KNDC1: variants seen among roughly 807,000 people sequenced by gnomAD.
The protein encoded by KNDC1 is kinase non-catalytic C-lobe domain containing 1, also known as kinase non-catalytic C-lobe domain-containing protein 1.
A neutral mutation model predicts 172.8 loss-of-function variants in KNDC1; 106 were observed. That is an observed-to-expected ratio of 0.61 (90% CI 0.52 to 0.72). The LOEUF (loss-of-function observed/expected upper bound fraction) is 0.72. Ranked by LOEUF, KNDC1 falls within the 30% of genes least tolerant of loss-of-function variation. KNDC1 has a pLI of 0.00. For synonymous variants in KNDC1, 1,083 were observed against 1,062.2 expected (o/e 1.02, Z -0.38); for missense variants, 2,325 against 2,394.5 (o/e 0.97, Z 0.61).
chr10:133,208,526 G>C (rs1389903578), intron 20 of KNDC1, among the ~76,000 whole-genome samples: 1 of 83,064 alleles, frequency 1.2e-5, no homozygotes, highest in Non-Finnish European at 2.5e-5. Context: ...CCTCTAGAGA[G>C]GGACGTGGCC....
rs761281019 is a variant in KNDC1 at position 133,198,408 on chromosome 10, G to A, written c.1978G>A (p.Gly660Ser). ...PGPVPGQHPC[G>S]EEATQLPAAF... is the part of the protein sequence containing the mutation. ...GCCCGTGCCCGGCCAGCACCCCTGCGGTGAAGAAGCCACCCAGCTGCCTGC... is the reference window on the plus strand; with the variant it reads ...GCCCGTGCCCGGCCAGCACCCCTGCAGTGAAGAAGCCACCCAGCTGCCTGC... Residue 660 changes from glycine to serine, a missense_variant, in exon 13 of 30, where the codon GGT becomes AGT. By Grantham distance (56) the Gly-to-Ser change is moderately conservative. Transcript: ENST00000304613. 41 of 1,601,230 alleles carry A rather than the reference G, an allele frequency of 2.6e-5. No individual in the cohort carries two copies. The highest frequency in any genetic ancestry group is 5.1e-5 in the Admixed American group (3 of 58,676).
intron 3 of KNDC1, among the ~76,000 whole-genome samples, chr10:133,175,081 G>A (rs1853490149): frequency 6.6e-6 from 1 of 150,848 alleles, no homozygotes; most frequent in Admixed American, 6.6e-5. Context: ...GTGGGTGGAT[G>A]GGTGGATGGA....
At chr10:133,172,222 C>T (rs1451415725) in intron 3 of KNDC1, among the ~76,000 whole-genome samples, 1 of 152,202 alleles carries the variant, frequency 6.6e-6, no homozygotes, top group Admixed American at 6.5e-5. Context: ...TTTTCACCTT[C>T]CTCATCCAGA....
In KNDC1 at chr10:133,189,142, G is replaced by C. The variant is rs530247965; in HGVS notation, c.1442-456G>C. ...CTGCCAGACATCAGGGCAGACGGAC[G>C]GTGCATCTGAGACGTAAAAACGTCC... On this transcript the variant is annotated intron_variant, in intron 7 of 29. Transcript: ENST00000304613. Among the ~76,000 whole-genome samples, 122 of 152,264 alleles carry C rather than the reference G, an allele frequency of 8.0e-4. 1 individual carries two copies. The highest frequency in any genetic ancestry group is 3.5e-4 in the Non-Finnish European group (24 of 68,020).
intron 29 of KNDC1, among the ~76,000 whole-genome samples, chr10:133,222,446 C>CCCATCCAGGCATGCTCTTCCCGGCGT (rs1845618476): frequency 2.3e-5 from 1 of 43,188 alleles, no homozygotes; most frequent in East Asian, 8.5e-4. Flanking sequence ...CTCTTCCCGG[C>CCCATCCAGGCATGCTCTTCCCGGCGT]GTGTGTGTGT....
chr10:133,196,099 G>A (rs1854183828), intron 10 of KNDC1, among the ~76,000 whole-genome samples: 1 of 152,232 alleles, frequency 6.6e-6, no homozygotes, highest in Non-Finnish European at 1.5e-5. Context: ...GCTCTCTCCA[G>A]CTTGTCCAAG....
intron 3 of KNDC1, among the ~76,000 whole-genome samples, chr10:133,170,917 C>T (rs1021131797): frequency 2.6e-5 from 4 of 152,060 alleles, no homozygotes; most frequent in Admixed American, 6.5e-5. Flanking sequence ...AGGCAAATGC[C>T]GTCTCGGCAT....
Position 133,181,834 on chromosome 10 carries a change from C to CACACACACACACACACACACACACA in KNDC1, c.361-1510_361-1509insACACACACACACACACACACACACA, listed in dbSNP as rs1564881077. 4.3e-3 allele frequency among the ~76,000 whole-genome samples: 597 copies of CACACACACACACACACACACACACA among 138,878 alleles called. 9 individuals are homozygous for CACACACACACACACACACACACACA. Among genetic ancestry groups the CACACACACACACACACACACACACA allele is most frequent in the Non-Finnish European group, 6.6e-3 (409 of 61,748 alleles). 91.1% of individuals were successfully genotyped at this position (138,878 alleles called of 152,430 possible). ...CCAGACCAGGAAGCCCCAGGACCGTCCACACACACACACACACACACACAC... is the reference window on the plus strand; with the variant it reads ...CCAGACCAGGAAGCCCCAGGACCGTCACACACACACACACACACACACACACACACACACACACACACACACACAC... On this transcript the variant is annotated intron_variant, in intron 3 of 29. Transcript: ENST00000304613.
At chr10:133,222,506 T>A (rs1357832022) in intron 29 of KNDC1, among the ~76,000 whole-genome samples, 22 of 46,778 alleles carry the variant, frequency 4.7e-4, no homozygotes, top group African/African-American at 6.3e-4. Flanking sequence ...TGTGTGTGTG[T>A]GTGAGCCCAT....
At chr10:133,168,336 G>A (rs1409616642) in intron 3 of KNDC1, 24 bp downstream of exon 3, 2 of 1,602,134 alleles carry the variant, frequency 1.2e-6, no homozygotes, top group African/African-American at 2.7e-5. Context: ...GGGGTAATGT[G>A]CCACACCCCC....
Position 133,224,583 on chromosome 10 carries a change from G to A in KNDC1, c.5019-76G>A, listed in dbSNP as rs1376418387. 22 of 997,240 alleles carry A rather than the reference G, an allele frequency of 2.2e-5. No homozygotes were observed. Among genetic ancestry groups the A allele is most frequent in the Middle Eastern group, 2.1e-4 (1 of 4,668 alleles). The allele number at this position is 997,240 out of a possible 1,614,324, so 61.8% of individuals were successfully genotyped here. A position where few individuals can be genotyped will look rare whatever the true frequency, so the allele number is the denominator to read the frequency against. ...TTTAGTCCAAATGATTCCTAAGAACGCGGGGGGACTCCCTCCCCACGGAAG... is the reference window on the plus strand; with the variant it reads ...TTTAGTCCAAATGATTCCTAAGAACACGGGGGGACTCCCTCCCCACGGAAG... On this transcript the variant is annotated intron_variant, in intron 29 of 29. Coordinates refer to ENST00000304613, the MANE Select transcript of KNDC1 (RefSeq NM_152643.8). This position sits in a 1 kb window ranked among gnomAD's most constrained non-coding sequence, Gnocchi z 5.4.
In KNDC1 at chr10:133,209,882, G is replaced by A. The variant is rs986196305; in HGVS notation, c.3795-729G>A. Among the ~76,000 whole-genome samples the A allele has an allele frequency of 4.6e-5, 7 of 152,078 alleles. No individual in the cohort carries two copies. The highest frequency in any genetic ancestry group is 1.3e-4 in the Admixed American group (2 of 15,288). On this transcript the variant is annotated intron_variant, in intron 20 of 29. Transcript: ENST00000304613. This position sits in a 1 kb window ranked among gnomAD's most constrained non-coding sequence, Gnocchi z 4.9. ...AGGCCTCCGCTTCCTGACCGTGGCC[G>A]TCGGGCTCCCAGGACAGTCCCAGAC...
chr10:133,211,412 G>A lies in KNDC1; in HGVS notation c.3909-10G>A, dbSNP rs1345736147. 1.1e-5 allele frequency: 18 copies of A among 1,610,268 alleles called. No homozygotes were observed. Among genetic ancestry groups the A allele is most frequent in the Admixed American group, 1.7e-5 (1 of 59,694 alleles). ...ATCCTGGCAGCTCAGCAGCTCCCCTGCGTCTCCAGGGCCCACCAGGACCCC... is the reference window on the plus strand; with the variant it reads ...ATCCTGGCAGCTCAGCAGCTCCCCTACGTCTCCAGGGCCCACCAGGACCCC... On this transcript the variant is annotated splice_polypyrimidine_tract_variant and intron_variant, in intron 21 of 29. Transcript: ENST00000304613.
chr10:133,211,799 G>A lies in KNDC1; in HGVS notation c.4177G>A (p.Asp1393Asn). 1 of 1,610,348 alleles carries A rather than the reference G, an allele frequency of 6.2e-7. No homozygotes were observed. ...GGAGAACCCCAGGGAGGCCGAGGAG[G>A]ATGCCAGACCCTTCAACGCCCTCTG... ...DLENPREAEEDARPFNALCKR... is the reference protein window; with the variant it reads ...DLENPREAEENARPFNALCKR... Residue 1393 changes from aspartate (D) to asparagine (N), a missense_variant, in exon 23 of 30, where the codon GAT becomes AAT. Transcript: ENST00000304613.
At position 133,200,476 on chromosome 10, in the gene KNDC1, G is replaced by C. The variant is rs1170527163; in HGVS notation, c.2989+16G>C. 6.6e-7 allele frequency: 1 copy of C among 1,514,464 alleles called. No individual in the cohort carries two copies. The highest frequency in any genetic ancestry group is 8.8e-7 in the Non-Finnish European group (1 of 1,132,678). The allele number at this position is 1,514,464 out of a possible 1,614,324, so 93.8% of individuals were successfully genotyped here. A position where few individuals can be genotyped will look rare whatever the true frequency, so the allele number is the denominator to read the frequency against. On this transcript the variant is annotated intron_variant, in intron 16 of 29. Transcript: ENST00000304613. ...CACCGCCTGGGTAAGTGCTGGGCGG[G>C]CCCCGCGGCAGGAGCTCTGCTGGGC...
Position 133,195,804 on chromosome 10 carries a change from G to A in KNDC1, c.1717G>A (p.Ala573Thr), listed in dbSNP as rs778300830. The change falls in exon 10 of 30, where the codon GCG (alanine) becomes ACG (threonine). Residue 573 changes from alanine to threonine, a missense_variant. Transcript: ENST00000304613. Reference sequence around the variant, plus strand: ...GCGCAGTGCCCCGGAGCGGCCGTCCGCGGCTGAGGCCATCAAGGTAACCAC... The same window carrying A: ...GCGCAGTGCCCCGGAGCGGCCGTCCACGGCTGAGGCCATCAAGGTAACCAC... ...ARRSAPERPS[A>T]AEAIKVCGSY... 59 of 1,570,224 alleles carry A rather than the reference G, an allele frequency of 3.8e-5. No individual in the cohort carries two copies. The highest frequency in any genetic ancestry group is 4.3e-5 in the Non-Finnish European group (50 of 1,158,700).
chr10:133,215,594 G>A (rs1355208483), intron 26 of KNDC1, among the ~76,000 whole-genome samples: 4 of 152,360 alleles, frequency 2.6e-5, no homozygotes, highest in Non-Finnish European at 4.4e-5. Flanking sequence ...CTTCACGCAC[G>A]GCCCGTGTGG....
At chr10:133,181,859 C>CACACACACACACACACACA (rs1381021820) in intron 3 of KNDC1, among the ~76,000 whole-genome samples, 2 of 148,706 alleles carry the variant, frequency 1.3e-5, no homozygotes, top group Non-Finnish European at 3.0e-5. Context: ...CACACACACA[C>CACACACACACACACACACA]ACCAGACTGT....
At chr10:133,167,857 G>C (rs1037223663) in intron 2 of KNDC1, among the ~76,000 whole-genome samples, 4 of 152,204 alleles carry the variant, frequency 2.6e-5, no homozygotes, top group African/African-American at 9.6e-5. Context: ...CTTCCCCTAA[G>C]GGCAGGCTAT....
Sources: gnomAD v4.1 joint callset for allele counts (sites outside exome capture counted in the v4.1 genomes callset) on GRCh38, gnomAD v4.1.1 for gene constraint, Gnocchi (gnomAD v3.1) non-coding constraint, MANE v1.5 for transcripts, NCBI Gene and HGNC (gene_info 2026-07-23, HGNC 2026-07-21) for gene names.